Variants in ADAD1 observed in about 807,000 individuals in gnomAD.
ADAD1 encodes adenosine deaminase domain containing 1, also known as adenosine deaminase domain-containing protein 1.
In ADAD1, 46 loss-of-function variants were observed where a neutral mutation model predicts 66.8. The ratio of observed to expected loss-of-function variants is 0.69; its 90% CI spans 0.54 to 0.88. The LOEUF (loss-of-function observed/expected upper bound fraction) is 0.88, where lower values mean the gene tolerates loss of function less well. ADAD1 is among the 40% of genes least tolerant of loss of function. The pLI, the probability that ADAD1 is intolerant of heterozygous loss-of-function variation, is 0.00. For missense variants in ADAD1, 617 were observed against 681.8 expected (o/e 0.91, Z 1.06); for synonymous variants, 248 against 229.4 (o/e 1.08, Z -0.73).
Position 122,412,684 on chromosome 4 carries a change from A to G in ADAD1, c.1124A>G (p.Asp375Gly). 2 of 1,613,884 alleles carry G rather than the reference A, an allele frequency of 1.2e-6. No homozygotes were observed. Among genetic ancestry groups the G allele is most frequent in the Non-Finnish European group, 1.7e-6 (2 of 1,179,822 alleles). ...TATCTGACTGTTTACTGTCCTAAAG[A>G]TGGTGTTAATAGAATAAGCAGTATG... Reference protein sequence around the residue: ...KIYLTVYCPKDGVNRISSMSS... With the variant: ...KIYLTVYCPKGGVNRISSMSS... The change falls in exon 10 of 13, where the codon GAT (aspartate) becomes GGT (glycine). Residue 375 changes from aspartate (D) to glycine (G), a missense_variant. Physicochemically the swap from Asp to Gly is moderately conservative, Grantham distance 94. Transcript: ENST00000296513.
At chr4:122,398,044 G>A (rs1795796121) in intron 7 of ADAD1, among the ~76,000 whole-genome samples, 1 of 152,054 alleles carries the variant, frequency 6.6e-6, no homozygotes, top group African/African-American at 2.4e-5. Flanking sequence ...TTTGGTTATA[G>A]GGATAAGTTC....
intron 6 of ADAD1, 130 bp from the exon 7 acceptor site, chr4:122,396,121 TA>T (rs1795698996): frequency 1.4e-6 from 1 of 725,116 alleles, no homozygotes; most frequent in Non-Finnish European, 1.9e-6. Context: ...AGTCATGACC[TA>T]AATTATAAAT....
chr4:122,422,298 T>A (rs1797037808), intron 12 of ADAD1, among the ~76,000 whole-genome samples: 1 of 152,080 alleles, frequency 6.6e-6, no homozygotes, highest in Non-Finnish European at 1.5e-5. Context: ...CTAATTTTTG[T>A]ACTTTCAGTA....
intron 6 of ADAD1, 89 bp downstream of exon 6, chr4:122,393,746 A>C: frequency 2.0e-6 from 2 of 987,634 alleles, no homozygotes; most frequent in Non-Finnish European, 1.5e-6. Context: ...TAGGTATGAA[A>C]ATGTACATTA....
chr4:122,397,850 A>G (rs368894961), intron 7 of ADAD1, among the ~76,000 whole-genome samples: 2 of 152,302 alleles, frequency 1.3e-5, no homozygotes, highest in African/African-American at 4.8e-5. Flanking sequence ...AAGAGCATGG[A>G]TAAGAATAAT....
At chr4:122,413,831 C>T (rs1025742212) in intron 10 of ADAD1, among the ~76,000 whole-genome samples, 4 of 131,858 alleles carry the variant, frequency 3.0e-5, no homozygotes, top group South Asian at 2.4e-4. Context: ...TAACTTTTCA[C>T]GCTGCTGCTT....
intron 12 of ADAD1, 70 bp downstream of exon 12, chr4:122,421,460 G>T: frequency 7.5e-7 from 1 of 1,330,378 alleles, no homozygotes; most frequent in Non-Finnish European, 9.9e-7. Context: ...ATTTTAAAAT[G>T]GTTATCCTTA....
rs757932758 is a variant in ADAD1, at chr4:122,381,196, T to A, written c.361+16T>A. The A allele has an allele frequency of 2.0e-6, 3 of 1,533,604 alleles. No homozygotes were observed. Among genetic ancestry groups the A allele is most frequent in the Admixed American group, 5.1e-5 (2 of 39,492 alleles). 95.0% of individuals were successfully genotyped at this position (1,533,604 alleles called of 1,614,324 possible). Reference sequence around the variant, plus strand: ...GTGACAACAGGCAAGTGTAAAATTGTATTTGTCTCAAAAACAAAACGAAAA... The same window carrying A: ...GTGACAACAGGCAAGTGTAAAATTGAATTTGTCTCAAAAACAAAACGAAAA... On this transcript the variant is annotated intron_variant, in intron 4 of 12. Transcript: ENST00000296513.
At chr4:122,416,750 A>G (rs572825520) in intron 11 of ADAD1, among the ~76,000 whole-genome samples, 1 of 151,894 alleles carries the variant, frequency 6.6e-6, no homozygotes, top group Non-Finnish European at 1.5e-5. Flanking sequence ...GAAAAAAAAA[A>G]GAAAAAAACA....
intron 7 of ADAD1, among the ~76,000 whole-genome samples, chr4:122,397,776 A>G (rs982924841): frequency 2.0e-5 from 3 of 152,230 alleles, no homozygotes; most frequent in African/African-American, 7.2e-5. Flanking sequence ...TTTAAAGTTG[A>G]CGTAGGATAA....
chr4:122,419,888 A>G (rs1161469990), intron 11 of ADAD1, among the ~76,000 whole-genome samples: 2 of 152,230 alleles, frequency 1.3e-5, no homozygotes. Flanking sequence ...TAGTTTTTTT[A>G]CAGGATAAAG....
chr4:122,417,186 A>G (rs1261716613), intron 11 of ADAD1, among the ~76,000 whole-genome samples: 1 of 151,866 alleles, frequency 6.6e-6, no homozygotes, highest in Non-Finnish European at 1.5e-5. Context: ...AATACAAAAG[A>G]TTAGCTGGGC....
At position 122,418,332 on chromosome 4, in the gene ADAD1, C is replaced by T. The variant is rs368956579; in HGVS notation, c.1487+2716C>T. ...TTTTTTTTTTTTTTTTTTTTTGAGACGGAGTCTTGCTCTGTCGCCCAGGCT... is the reference window on the plus strand; with the variant it reads ...TTTTTTTTTTTTTTTTTTTTTGAGATGGAGTCTTGCTCTGTCGCCCAGGCT... On this transcript the variant is annotated intron_variant, in intron 11 of 12. Transcript: ENST00000296513. 1.4e-3 allele frequency among the ~76,000 whole-genome samples: 165 copies of T among 116,168 alleles called. 1 individual carries two copies. Among genetic ancestry groups the T allele is most frequent in the Middle Eastern group, 8.2e-3 (1 of 122 alleles). 76.2% of individuals were successfully genotyped at this position (116,168 alleles called of 152,430 possible).
At chr4:122,415,320 AT>A in intron 10 of ADAD1, 58 bp from the exon 11 acceptor site, 2 of 1,321,862 alleles carry the variant, frequency 1.5e-6, no homozygotes. Flanking sequence ...CATTTCATTT[AT>A]TTTATTTTGG....
chr4:122,383,483 A>G (rs1006115148), intron 4 of ADAD1, among the ~76,000 whole-genome samples: 1 of 152,192 alleles, frequency 6.6e-6, no homozygotes, highest in African/African-American at 2.4e-5. Flanking sequence ...TTTGACAGAT[A>G]GTGGAGTGTT....
intron 12 of ADAD1, among the ~76,000 whole-genome samples, chr4:122,422,260 GATT>G (rs1465297881): frequency 1.3e-5 from 2 of 151,770 alleles, no homozygotes; most frequent in African/African-American, 4.8e-5. Context: ...GAGTAGCTGA[GATT>G]ATAGGTGCAC....
rs112313086 is a variant in ADAD1 at position 122,419,475 on chromosome 4, C to A, written c.1488-1786C>A. On this transcript the variant is annotated intron_variant, in intron 11 of 12. Transcript: ENST00000296513. ...ATGAAATAGTCTGTACAACAAACCC[C>A]CATGACACACATTTATCTATAGAAA... Among the ~76,000 whole-genome samples, 849 of 152,210 alleles carry A rather than the reference C, an allele frequency of 5.6e-3. 4 individuals are homozygous for A. The highest frequency in any genetic ancestry group is 0.02 in the African/African-American group (811 of 41,534).
At chr4:122,399,914 G>A (rs1009960339) in intron 7 of ADAD1, among the ~76,000 whole-genome samples, 5 of 151,400 alleles carry the variant, frequency 3.3e-5, no homozygotes, top group African/African-American at 1.2e-4. Flanking sequence ...GAATCTTTAG[G>A]GTGTTCTAGA....
At chr4:122,415,660 A>C (rs1391275646) in intron 11 of ADAD1, 44 bp downstream of exon 11, 1 of 1,516,812 alleles carries the variant, frequency 6.6e-7, no homozygotes, top group Admixed American at 1.8e-5. Context: ...ACTTAAGCAA[A>C]AGAAGACATT....
Sources: gnomAD v4.1 joint callset for allele counts (sites outside exome capture counted in the v4.1 genomes callset) on GRCh38, gnomAD v4.1.1 for gene constraint, MANE v1.5 for transcripts, NCBI Gene and HGNC (gene_info 2026-07-23, HGNC 2026-07-21) for gene names.